Variants in LHFPL3 observed in about 807,000 individuals in gnomAD.
LHFPL3 encodes LHFPL tetraspan subfamily member 3 protein.
In LHFPL3, 5 loss-of-function variants were observed where a neutral mutation model predicts 19.3. That is an observed-to-expected ratio of 0.26 (90% CI 0.14 to 0.54). The LOEUF (loss-of-function observed/expected upper bound fraction) is 0.54. Ranked by LOEUF, LHFPL3 falls within the 20% of genes least tolerant of loss-of-function variation. The pLI, the probability that LHFPL3 is intolerant of heterozygous loss-of-function variation, is 0.94. For missense variants in LHFPL3, 249 were observed against 307.4 expected (o/e 0.81, Z 1.42); for synonymous variants, 133 against 126.2 (o/e 1.05, Z -0.36).
At chr7:104,627,708 G>T (rs1547977) in intron 1 of LHFPL3, among the ~76,000 whole-genome samples, 40,972 of 152,086 alleles carry the variant, frequency 0.27, 5,954 homozygotes, top group African/African-American at 0.38. Flanking sequence ...ATGAGTCTCT[G>T]TATAACAAAT....
At chr7:104,332,071 T>C (rs972986363) in intron 1 of LHFPL3, among the ~76,000 whole-genome samples, 9 of 152,114 alleles carry the variant, frequency 5.9e-5, no homozygotes, top group Non-Finnish European at 1.0e-4. Context: ...TTGCTAAATA[T>C]GAAAGATGAG....
At chr7:104,380,929 A>G (rs1219865061) in intron 1 of LHFPL3, among the ~76,000 whole-genome samples, 1 of 152,220 alleles carries the variant, frequency 6.6e-6, no homozygotes, top group Non-Finnish European at 1.5e-5. Context: ...AGTTGTGTAG[A>G]TTTAATTGAA....
intron 1 of LHFPL3, among the ~76,000 whole-genome samples, chr7:104,387,160 C>T (rs917673773): frequency 6.6e-6 from 1 of 152,104 alleles, no homozygotes. Flanking sequence ...AAATAGAGGA[C>T]AGCAACAAAC....
intron 2 of LHFPL3, among the ~76,000 whole-genome samples, chr7:104,742,255 T>C (rs911517255): frequency 2.6e-5 from 4 of 152,196 alleles, no homozygotes; most frequent in African/African-American, 9.7e-5. Context: ...TTTCTGCATT[T>C]GTGTATATGG....
intron 1 of LHFPL3, among the ~76,000 whole-genome samples, chr7:104,553,681 T>G (rs1794703761): frequency 6.6e-6 from 1 of 152,206 alleles, no homozygotes. Flanking sequence ...CTCAGGAGCC[T>G]TAAGGCAACT....
intron 2 of LHFPL3, among the ~76,000 whole-genome samples, chr7:104,898,444 G>T (rs570479282): frequency 6.1e-4 from 93 of 152,264 alleles, no homozygotes; most frequent in African/African-American, 2.1e-3. Flanking sequence ...CCTGGTAATT[G>T]AGGGTGATTA....
At chr7:104,422,641 C>A (rs1044737418) in intron 1 of LHFPL3, among the ~76,000 whole-genome samples, 1 of 152,170 alleles carries the variant, frequency 6.6e-6, no homozygotes, top group Non-Finnish European at 1.5e-5. Flanking sequence ...ATGTGACTTG[C>A]GCAAGTTACT....
chr7:104,353,800 C>T (rs560487251), intron 1 of LHFPL3, among the ~76,000 whole-genome samples: 21 of 152,208 alleles, frequency 1.4e-4, no homozygotes, highest in Admixed American at 9.2e-4. Context: ...ATTTTCTTAA[C>T]CCTCCTTCAG....
At chr7:104,835,764 AT>A (rs869215991) in intron 2 of LHFPL3, among the ~76,000 whole-genome samples, 46 of 55,062 alleles carry the variant, frequency 8.4e-4, no homozygotes, top group Non-Finnish European at 1.2e-3. Flanking sequence ...AATTATTATT[AT>A]TTTTTTTTAC....
At chr7:104,667,699 C>A in intron 1 of LHFPL3, 1 of 1,338,338 alleles carries the variant, frequency 7.5e-7, no homozygotes, top group Non-Finnish European at 1.0e-6. Flanking sequence ...CAATTTACAA[C>A]TTAGAGGAGT....
chr7:104,805,832 A>T (rs1186772232), intron 2 of LHFPL3, among the ~76,000 whole-genome samples: 1 of 152,206 alleles, frequency 6.6e-6, no homozygotes, highest in Non-Finnish European at 1.5e-5. Flanking sequence ...GGATCCCTCT[A>T]GAACAGCCCT....
At chr7:104,436,165 TG>T (rs1792100591) in intron 1 of LHFPL3, among the ~76,000 whole-genome samples, 1 of 152,218 alleles carries the variant, frequency 6.6e-6, no homozygotes, top group African/African-American at 2.4e-5. Flanking sequence ...TGGAGATACA[TG>T]GTTAAATATA....
chr7:104,469,366 T>C (rs1348235983), intron 1 of LHFPL3, among the ~76,000 whole-genome samples: 1 of 152,234 alleles, frequency 6.6e-6, no homozygotes, highest in Non-Finnish European at 1.5e-5. Flanking sequence ...TACAGCATTA[T>C]ACAGTGCTAC....
intron 1 of LHFPL3, among the ~76,000 whole-genome samples, chr7:104,393,499 C>T (rs908597095): frequency 2.0e-5 from 3 of 152,132 alleles, no homozygotes; most frequent in South Asian, 2.1e-4. Flanking sequence ...GGGAGGATCA[C>T]GAGGTCAGGA....
chr7:104,608,702 A>G (rs542238117), intron 1 of LHFPL3, among the ~76,000 whole-genome samples: 6 of 152,312 alleles, frequency 3.9e-5, no homozygotes, highest in African/African-American at 1.4e-4. Context: ...CAAAGGCACC[A>G]CGCCTGGCAG....
intron 2 of LHFPL3, among the ~76,000 whole-genome samples, chr7:104,892,883 G>A (rs1792279202): frequency 1.3e-5 from 2 of 151,870 alleles, no homozygotes; most frequent in Non-Finnish European, 2.9e-5. Flanking sequence ...ATTATGGTAT[G>A]TATGTTATTC....
At chr7:104,343,746 T>TGTGA (rs2116372423) in intron 1 of LHFPL3, among the ~76,000 whole-genome samples, 1 of 151,708 alleles carries the variant, frequency 6.6e-6, no homozygotes, top group East Asian at 1.9e-4. Flanking sequence ...TGTGTGTGTG[T>TGTGA]GTGGTTTACA....
intron 1 of LHFPL3, among the ~76,000 whole-genome samples, chr7:104,555,031 G>C (rs1794737709): frequency 6.6e-6 from 1 of 152,134 alleles, no homozygotes; most frequent in African/African-American, 2.4e-5. Context: ...AGGCTCCCAG[G>C]TGACTGGATG....
intron 1 of LHFPL3, among the ~76,000 whole-genome samples, chr7:104,447,741 T>C (rs796778629): frequency 1.3e-5 from 2 of 152,270 alleles, no homozygotes; most frequent in African/African-American, 4.8e-5. Flanking sequence ...ATTTAGGTAT[T>C]CTCTGTTCTC....
Sources: gnomAD v4.1 joint callset for allele counts (sites outside exome capture counted in the v4.1 genomes callset) on GRCh38, gnomAD v4.1.1 for gene constraint, MANE v1.5 for transcripts, NCBI Gene and HGNC (gene_info 2026-07-23, HGNC 2026-07-21) for gene names.